Variants in IPO11 observed in about 807,000 individuals in gnomAD.
IPO11 encodes the protein importin 11.
IPO11 carries 66 observed loss-of-function variants against 143.2 expected under a neutral mutation model. That is an observed-to-expected ratio of 0.46 (90% confidence interval 0.38 to 0.57). IPO11 has a LOEUF of 0.57. Among genes scored for constraint, IPO11 ranks in the 20% least tolerant of loss-of-function variants. IPO11 has a pLI of 0.00. For synonymous variants in IPO11, 385 were observed against 377.8 expected, an observed-to-expected ratio of 1.02 and a Z score of -0.22; for missense variants, 1,026 against 1,141.0, an observed-to-expected ratio of 0.90 and a Z score of 1.45.
rs1580238992 is a variant in IPO11 at position 62,489,178 on chromosome 5, A to G, written c.1310-124A>G. 4 of 479,516 alleles carry G rather than the reference A, an allele frequency of 8.3e-6. No individual in the cohort carries two copies. In the East Asian group the frequency reaches 1.4e-4, roughly 17 times the overall value. The allele number at this position is 479,516 out of a possible 1,614,324, so 29.7% of individuals were successfully genotyped here. A position where few individuals can be genotyped will look rare whatever the true frequency, so the allele number is the denominator to read the frequency against. The stretch of plus-strand genomic sequence containing the variant: ...CCCTTTGTACTTGTGTCCATTTTTG[A>G]CACCATGAAATGTGTTATACTTAAT... On this transcript the variant is annotated intron_variant, in intron 13 of 29. Coordinates refer to ENST00000325324, the MANE Select transcript of IPO11 (RefSeq NM_016338.5).
At chr5:62,521,552 C>T (rs1742201286) in intron 20 of IPO11, among the ~76,000 whole-genome samples, 1 of 152,116 alleles carries the variant, frequency 6.6e-6, no homozygotes, top group African/African-American at 2.4e-5. Context: ...CTTTTCATCT[C>T]ACTGTTCTGG....
intron 19 of IPO11, chr5:62,512,611 T>TA (rs1481042935): frequency 1.9e-6 from 1 of 539,020 alleles, no homozygotes; most frequent in Non-Finnish European, 3.3e-6. Flanking sequence ...TTTTTAATTT[T>TA]ATTTTTTTTT....
chr5:62,493,131 A>G (rs1741005153), intron 15 of IPO11, among the ~76,000 whole-genome samples: 1 of 152,206 alleles, frequency 6.6e-6, no homozygotes, highest in African/African-American at 2.4e-5. Flanking sequence ...CAGTGTTAAT[A>G]TATGTTATTT....
chr5:62,474,599 A>G, intron 8 of IPO11, 135 bp downstream of exon 8: 1 of 660,260 alleles, frequency 1.5e-6, no homozygotes, highest in Non-Finnish European at 2.6e-6. Flanking sequence ...ACACTTATAA[A>G]TCTAGAGAAA....
intron 24 of IPO11, among the ~76,000 whole-genome samples, chr5:62,544,796 A>G (rs914434237): frequency 4.6e-5 from 7 of 152,216 alleles, no homozygotes; most frequent in African/African-American, 1.7e-4. Context: ...AAGCATTTTT[A>G]TACACCAATA....
intron 27 of IPO11, chr5:62,581,370 C>T: frequency 8.4e-7 from 1 of 1,196,122 alleles, no homozygotes. Context: ...CTGAAACCTC[C>T]TTATATAATT....
intron 6 of IPO11, among the ~76,000 whole-genome samples, chr5:62,467,970 C>T (rs188174292): frequency 6.6e-6 from 1 of 152,058 alleles, no homozygotes; most frequent in Non-Finnish European, 1.5e-5. Context: ...TTTGGACAGA[C>T]AGGGTCTTGC....
intron 27 of IPO11, among the ~76,000 whole-genome samples, chr5:62,567,489 A>ATT (rs150049462): frequency 0.019 from 2,342 of 123,012 alleles, 45 homozygotes; most frequent in African/African-American, 0.044. Context: ...TATTATTATT[A>ATT]TTATTATTTT....
chr5:62,520,375 A>T (rs1272596423), intron 20 of IPO11, among the ~76,000 whole-genome samples: 1 of 147,294 alleles, frequency 6.8e-6, no homozygotes, highest in African/African-American at 2.5e-5. Flanking sequence ...GATACGACAG[A>T]TTTTTTTTTT....
At chr5:62,506,378 G>GA (rs565799115) in intron 19 of IPO11, 21 bp downstream of exon 19, 194 of 1,188,516 alleles carry the variant, frequency 1.6e-4, no homozygotes, top group African/African-American at 1.0e-3. Context: ...TGTAAAACAT[G>GA]AAAATAAATG....
At chr5:62,448,212 A>T (rs528287611) in intron 3 of IPO11, among the ~76,000 whole-genome samples, 1 of 152,072 alleles carries the variant, frequency 6.6e-6, no homozygotes, top group East Asian at 1.9e-4. Flanking sequence ...TAGCTACTAG[A>T]TGTCTAGTGG....
At chr5:62,623,282 T>C (rs1384036563) in intron 29 of IPO11, among the ~76,000 whole-genome samples, 1 of 152,222 alleles carries the variant, frequency 6.6e-6, no homozygotes. Context: ...TTTATATGTC[T>C]CCTACCAAGT....
At chr5:62,594,809 A>AT (rs1745156211) in intron 28 of IPO11, among the ~76,000 whole-genome samples, 1 of 152,216 alleles carries the variant, frequency 6.6e-6, no homozygotes, top group South Asian at 2.1e-4. Context: ...ACAGGGACCA[A>AT]TGGAGCAATA....
chr5:62,458,473 G>A (rs1488341476), intron 5 of IPO11, among the ~76,000 whole-genome samples: 1 of 152,124 alleles, frequency 6.6e-6, no homozygotes, highest in African/African-American at 2.4e-5. Flanking sequence ...GCTAATTTTT[G>A]TACTTTTAGT....
chr5:62,479,178 T>C (rs1039607979), intron 9 of IPO11, among the ~76,000 whole-genome samples: 15 of 152,160 alleles, frequency 9.9e-5, no homozygotes, highest in Non-Finnish European at 1.9e-4. Flanking sequence ...TGAGTGAGAA[T>C]GTGCGGTGTT....
intron 27 of IPO11, chr5:62,580,170 GC>G (rs1255034106): frequency 1.3e-6 from 2 of 1,551,102 alleles, no homozygotes; most frequent in Non-Finnish European, 8.7e-7. Context: ...AAGCAATACA[GC>G]CCTTTGCATT....
At chr5:62,555,460 G>A (rs537345065) in intron 26 of IPO11, among the ~76,000 whole-genome samples, 9 of 149,352 alleles carry the variant, frequency 6.0e-5, no homozygotes, top group East Asian at 3.9e-4. Flanking sequence ...CTACAGATGC[G>A]TGCCACCACA....
intron 19 of IPO11, among the ~76,000 whole-genome samples, chr5:62,509,344 A>G (rs1741670034): frequency 6.6e-6 from 1 of 152,302 alleles, no homozygotes; most frequent in African/African-American, 2.4e-5. Flanking sequence ...TTTAACCCCA[A>G]TGATAGAGCC....
In IPO11 at chr5:62,579,863, A is replaced by G. The variant is rs1421637181; in HGVS notation, c.2583-11714A>G. On this transcript the variant is annotated intron_variant, in intron 27 of 29. Coordinates refer to ENST00000325324, the MANE Select transcript of IPO11 (RefSeq NM_016338.5). ...CTTCGTAATTTATATTTACAGTATA[A>G]TCAGGTATCTTTTGTTCCGAGAGGA... 2.6e-6 allele frequency: 4 copies of G among 1,549,678 alleles called. No individual in the cohort carries two copies. The African/African-American group carries it at 5.5e-5, about 21-fold the overall frequency.
Sources: allele counts gnomAD v4.1 joint callset (sites outside exome capture counted in the v4.1 genomes callset), GRCh38; gene constraint gnomAD v4.1.1; transcripts MANE v1.5; gene names NCBI Gene and HGNC (gene_info 2026-07-23, HGNC 2026-07-21).